Variants in ZSCAN25 observed in about 807,000 individuals in gnomAD.
ZSCAN25 encodes zinc finger and SCAN domain-containing protein 25.
Under a neutral mutation model 38.7 loss-of-function variants are expected in ZSCAN25, and 27 were observed. The observed-to-expected ratio is 0.70, with a 90% CI of 0.51 to 0.96. The LOEUF (loss-of-function observed/expected upper bound fraction) is 0.96, where lower values mean the gene tolerates loss of function less well. ZSCAN25 is among the 40% of genes least tolerant of loss of function. The pLI is 0.00. For missense variants in ZSCAN25, 637 were observed against 705.9 expected, an observed-to-expected ratio of 0.90 and a Z score of 1.11; for synonymous variants, 273 against 277.7, an observed-to-expected ratio of 0.98 and a Z score of 0.17.
the ZSCAN25 span, chr7:99,735,270 C>G: frequency 1.3e-6 from 1 of 798,152 alleles, no homozygotes; most frequent in Non-Finnish European, 2.0e-6. Flanking sequence ...AGTAGCAGGG[C>G]CCCCGTGCTC....
At chr7:99,688,412 A>G in the ZSCAN25 span, among the ~76,000 whole-genome samples, 2 of 152,348 alleles carry the variant, frequency 1.3e-5, no homozygotes, top group Non-Finnish European at 2.9e-5. Flanking sequence ...ACAAAGATCA[A>G]AAGAGACAAA....
At chr7:99,703,310 C>A in the ZSCAN25 span, among the ~76,000 whole-genome samples, 4 of 152,178 alleles carry the variant, frequency 2.6e-5, no homozygotes, top group Non-Finnish European at 5.9e-5. Context: ...ACCTTCTTAA[C>A]CCTGGCCCTG....
the ZSCAN25 span, among the ~76,000 whole-genome samples, chr7:99,655,528 G>A: frequency 1.3e-5 from 2 of 152,322 alleles, no homozygotes; most frequent in Middle Eastern, 6.8e-3. Flanking sequence ...CTCCGGCTTT[G>A]TTCTTTTGGC....
chr7:99,652,188 C>T, the ZSCAN25 span: 1 of 148,228 alleles, frequency 6.7e-6, no homozygotes, highest in African/African-American at 2.5e-5. Flanking sequence ...TATATATATA[C>T]ATATATATGT....
At chr7:99,627,218 T>G (rs559692750) in intron 7 of ZSCAN25, among the ~76,000 whole-genome samples, 2 of 152,316 alleles carry the variant, frequency 1.3e-5, no homozygotes, top group East Asian at 3.9e-4. Context: ...ACAATGACAT[T>G]CCCAACATAG....
chr7:99,622,527 C>T lies in ZSCAN25; in HGVS notation c.590-22C>T, dbSNP rs375082838. ...CATCACTGATCCTTCTGATCTTTCT[C>T]ATGCTTTTTGTCCCTGCTCAGCACT... On this transcript the variant is annotated intron_variant, in intron 5 of 7. Coordinates refer to ENST00000394152, the MANE Select transcript of ZSCAN25 (RefSeq NM_145115.3). The T allele has an allele frequency of 1.9e-6, 3 of 1,610,496 alleles. No individual in the cohort carries two copies. In the African/African-American group the frequency reaches 4.0e-5, roughly 22 times the overall value.
chr7:99,732,987 A>T, the ZSCAN25 span, among the ~76,000 whole-genome samples: 1 of 152,180 alleles, frequency 6.6e-6, no homozygotes. Context: ...AAATCCAGTG[A>T]CTCTGATAAT....
At chr7:99,715,281 T>A in the ZSCAN25 span, 1 of 179,596 alleles carries the variant, frequency 5.6e-6, no homozygotes, top group Admixed American at 5.4e-5. Flanking sequence ...AGAGGGAAAT[T>A]TATAGTTGTA....
chr7:99,646,424 A>G, the ZSCAN25 span, among the ~76,000 whole-genome samples: 7 of 152,096 alleles, frequency 4.6e-5, no homozygotes, highest in Non-Finnish European at 8.8e-5. Flanking sequence ...AGTGCTACCA[A>G]TTTTGTACGT....
At chr7:99,695,237 A>G in the ZSCAN25 span, among the ~76,000 whole-genome samples, 1 of 152,340 alleles carries the variant, frequency 6.6e-6, no homozygotes, top group African/African-American at 2.4e-5. Context: ...GATTCAAGCA[A>G]GTGCGAATGA....
Position 99,630,453 on chromosome 7 carries a change from T to C in ZSCAN25, c.*433T>C. 2 of 1,002,040 alleles carry C rather than the reference T, an allele frequency of 2.0e-6. No homozygotes were observed. Among genetic ancestry groups the C allele is most frequent in the Non-Finnish European group, 2.4e-6 (2 of 840,524 alleles). The allele number at this position is 1,002,040 out of a possible 1,614,324, so 62.1% of individuals were successfully genotyped here. On this transcript the variant is annotated 3_prime_UTR_variant, in exon 8 of 8. Coordinates refer to ENST00000394152, the MANE Select transcript of ZSCAN25 (RefSeq NM_145115.3). ...CTCTTTTCCATTGAACAAACATTTA[T>C]TGAACATCCTCTGAGCACCTGGCCG...
chr7:99,698,761 T>C, the ZSCAN25 span, among the ~76,000 whole-genome samples: 151,431 of 152,268 alleles, frequency 0.99, 75,303 homozygotes, highest in East Asian at 1. Context: ...TCTTTCATCA[T>C]CCAGAAGGAA....
the ZSCAN25 span, chr7:99,684,919 T>G: frequency 2.9e-6 from 1 of 342,214 alleles, no homozygotes; most frequent in African/African-American, 2.1e-5. Context: ...CAAATCTACT[T>G]CCCAAGCACT....
the ZSCAN25 span, among the ~76,000 whole-genome samples, chr7:99,654,201 C>T: frequency 3.3e-5 from 5 of 152,120 alleles, no homozygotes; most frequent in Admixed American, 2.6e-4. Flanking sequence ...ATTTAACATT[C>T]GGTATATCTC....
At chr7:99,705,448 G>T in the ZSCAN25 span, 5 of 1,585,336 alleles carry the variant, frequency 3.2e-6, no homozygotes, top group South Asian at 4.4e-5. Flanking sequence ...GAGGTCTCTG[G>T]TGTTCTGGGG....
chr7:99,664,562 A>T, the ZSCAN25 span, among the ~76,000 whole-genome samples: 3 of 152,252 alleles, frequency 2.0e-5, no homozygotes, highest in African/African-American at 7.2e-5. Flanking sequence ...AAGTTAAACA[A>T]TACAGTTTTA....
chr7:99,647,266 G>A, the ZSCAN25 span, among the ~76,000 whole-genome samples: 830 of 152,330 alleles, frequency 5.4e-3, 6 homozygotes, highest in African/African-American at 0.019. Flanking sequence ...CCATGTGGAT[G>A]CCTTCCCCAG....
At chr7:99,684,714 T>C in the ZSCAN25 span, among the ~76,000 whole-genome samples, 1 of 152,342 alleles carries the variant, frequency 6.6e-6, no homozygotes, top group Admixed American at 6.5e-5. Context: ...TTGCTTAATA[T>C]AAACTTATTA....
At position 99,629,066 on chromosome 7, in the gene ZSCAN25, T is replaced by G; in HGVS notation, c.806-125T>G. 1.7e-5 allele frequency: 23 copies of G among 1,319,430 alleles called. No individual in the cohort carries two copies. The highest frequency in any genetic ancestry group is 9.6e-5 in the South Asian group (6 of 62,264). The allele number at this position is 1,319,430 out of a possible 1,614,324, so 81.7% of individuals were successfully genotyped here. ...AAAAAGAAGTAAGGAAAGCCTGAGT[T>G]GAGGTTGTTGGTCAAAGGAAAAAAG... On this transcript the variant is annotated intron_variant, in intron 7 of 7. Coordinates refer to ENST00000394152, the MANE Select transcript of ZSCAN25 (RefSeq NM_145115.3). The surrounding 1 kb of genome is among the most constrained non-coding windows in gnomAD (Gnocchi z 5.6).
Sources: allele counts gnomAD v4.1 joint callset (sites outside exome capture counted in the v4.1 genomes callset), GRCh38; gene constraint gnomAD v4.1.1; non-coding constraint Gnocchi (gnomAD v3.1); transcripts MANE v1.5; gene names NCBI Gene and HGNC (gene_info 2026-07-23, HGNC 2026-07-21).